Variants in FRMD5 observed in about 807,000 individuals in gnomAD.
FRMD5 encodes FERM domain containing 5.
FRMD5 carries 20 observed loss-of-function variants against 69.0 expected under a neutral mutation model. That is an observed-to-expected ratio of 0.29 (90% CI 0.20 to 0.42). The LOEUF (loss-of-function observed/expected upper bound fraction) is 0.42, where lower values mean the gene tolerates loss of function less well. Among genes scored for constraint, FRMD5 ranks in the 10% least tolerant of loss-of-function variants. FRMD5 has a pLI of 1.00. For synonymous variants in FRMD5, 271 were observed against 260.1 expected (o/e 1.04, Z -0.40); for missense variants, 595 against 708.6 (o/e 0.84, Z 1.82).
At chr15:44,040,489 GA>G (rs1468833919) in intron 1 of FRMD5, among the ~76,000 whole-genome samples, 17 of 152,204 alleles carry the variant, frequency 1.1e-4, no homozygotes, top group Admixed American at 6.5e-5. Flanking sequence ...CTACAAGTCA[GA>G]AGACAGTGGG....
chr15:43,892,197 C>A, intron 7 of FRMD5, 128 bp from the exon 8 acceptor site: 1 of 786,600 alleles, frequency 1.3e-6, no homozygotes, highest in Admixed American at 2.1e-5. Context: ...AGCATATCAT[C>A]TGGAATCACA....
chr15:43,973,091 C>T (rs1480691933), intron 1 of FRMD5, among the ~76,000 whole-genome samples: 4 of 152,008 alleles, frequency 2.6e-5, no homozygotes, highest in South Asian at 2.1e-4. Flanking sequence ...GGCGCGATCT[C>T]GGCTCACTGC....
chr15:44,145,240 T>A (rs1032084588), intron 1 of FRMD5, among the ~76,000 whole-genome samples: 3 of 152,168 alleles, frequency 2.0e-5, no homozygotes, highest in Admixed American at 6.5e-5. Flanking sequence ...CAGAACTGAA[T>A]GCACCAGCTA....
chr15:44,078,774 A>C (rs1893878030), intron 1 of FRMD5, among the ~76,000 whole-genome samples: 6 of 152,156 alleles, frequency 3.9e-5, no homozygotes, highest in Admixed American at 3.9e-4. Flanking sequence ...ACAATATACA[A>C]AAATTAATTC....
chr15:44,139,176 G>C (rs977208502), intron 1 of FRMD5, among the ~76,000 whole-genome samples: 2 of 152,036 alleles, frequency 1.3e-5, no homozygotes. Flanking sequence ...AAAAGGGGAT[G>C]TTCAAATACA....
intron 1 of FRMD5, among the ~76,000 whole-genome samples, chr15:44,007,044 T>A (rs950420360): frequency 6.6e-6 from 1 of 152,142 alleles, no homozygotes; most frequent in African/African-American, 2.4e-5. Context: ...CTTATCTTAT[T>A]ATAAGAAATT....
At chr15:44,024,917 A>C (rs533340965) in intron 1 of FRMD5, among the ~76,000 whole-genome samples, 2 of 152,344 alleles carry the variant, frequency 1.3e-5, no homozygotes, top group South Asian at 4.1e-4. Context: ...CACTCAATTC[A>C]TAAGTGAGTA....
At chr15:44,085,418 A>T (rs910146369) in intron 1 of FRMD5, among the ~76,000 whole-genome samples, 1 of 152,170 alleles carries the variant, frequency 6.6e-6, no homozygotes, top group Non-Finnish European at 1.5e-5. Context: ...AACATTTTTT[A>T]AAAATACATA....
chr15:44,168,564 C>T (rs1460474604), intron 1 of FRMD5, among the ~76,000 whole-genome samples: 3 of 152,106 alleles, frequency 2.0e-5, no homozygotes, highest in Non-Finnish European at 2.9e-5. Flanking sequence ...AGAACAATTA[C>T]TTGATGTAAA....
chr15:43,921,340 T>C (rs531888556), intron 2 of FRMD5, among the ~76,000 whole-genome samples: 4 of 152,122 alleles, frequency 2.6e-5, no homozygotes, highest in East Asian at 1.9e-4. Flanking sequence ...CAAAGGAAGG[T>C]AGAAATTAAT....
intron 1 of FRMD5, among the ~76,000 whole-genome samples, chr15:44,018,625 A>C (rs1475772207): frequency 1.3e-5 from 2 of 152,220 alleles, no homozygotes; most frequent in African/African-American, 4.8e-5. Context: ...TAAGAATTCT[A>C]GTCTGACTCA....
intron 1 of FRMD5, among the ~76,000 whole-genome samples, chr15:44,011,798 A>G (rs1161336883): frequency 6.6e-6 from 1 of 152,180 alleles, no homozygotes; most frequent in Non-Finnish European, 1.5e-5. Context: ...GACTGTCACA[A>G]AGCAAGAAAG....
intron 1 of FRMD5, among the ~76,000 whole-genome samples, chr15:44,167,196 G>A (rs114130070): frequency 3.6e-3 from 554 of 152,050 alleles, no homozygotes; most frequent in African/African-American, 0.013. Flanking sequence ...GTGAGACCTC[G>A]TCTCCACAAA....
chr15:44,015,994 C>A (rs887911989), intron 1 of FRMD5, among the ~76,000 whole-genome samples: 1 of 152,132 alleles, frequency 6.6e-6, no homozygotes, highest in Non-Finnish European at 1.5e-5. Context: ...TGGAGAAGTT[C>A]CCGGTTTACA....
intron 1 of FRMD5, among the ~76,000 whole-genome samples, chr15:44,068,131 T>C (rs555320052): frequency 4.5e-4 from 69 of 152,368 alleles, no homozygotes; most frequent in African/African-American, 1.6e-3. Context: ...AACTCTCACA[T>C]ATTGCTGGTG....
chr15:44,031,478 C>T (rs942176089), intron 1 of FRMD5, among the ~76,000 whole-genome samples: 2 of 152,130 alleles, frequency 1.3e-5, no homozygotes, highest in African/African-American at 4.8e-5. Context: ...GGGCCCTCTT[C>T]TTGGTTCATA....
intron 1 of FRMD5, among the ~76,000 whole-genome samples, chr15:44,059,885 G>C (rs918336623): frequency 8.5e-5 from 13 of 152,158 alleles, no homozygotes; most frequent in African/African-American, 2.9e-4. Context: ...ACAAATCCCT[G>C]GTTTCAAATT....
chr15:44,193,124 T>C (rs536135727), intron 1 of FRMD5, among the ~76,000 whole-genome samples: 1 of 152,332 alleles, frequency 6.6e-6, no homozygotes, highest in South Asian at 2.1e-4. Flanking sequence ...AAATAACTAT[T>C]TGCCTCACTG....
chr15:43,959,955 T>A (rs1422035517), intron 1 of FRMD5, among the ~76,000 whole-genome samples: 2 of 152,204 alleles, frequency 1.3e-5, no homozygotes, highest in Non-Finnish European at 2.9e-5. Context: ...TTCGCTCTTG[T>A]TGCCCAGGAT....
Sources: allele counts gnomAD v4.1 joint callset (sites outside exome capture counted in the v4.1 genomes callset), GRCh38; gene constraint gnomAD v4.1.1; transcripts MANE v1.5; gene names NCBI Gene and HGNC (gene_info 2026-07-23, HGNC 2026-07-21).